RBFOX1: variants seen among roughly 807,000 people sequenced by gnomAD.
RBFOX1 encodes the protein RNA binding fox-1 homolog 1.
A neutral mutation model predicts 57.7 loss-of-function variants in RBFOX1; 8 were observed. That is an observed-to-expected ratio of 0.14 (90% CI 0.08 to 0.25). RBFOX1 has a LOEUF of 0.25. RBFOX1 is among the 10% of genes least tolerant of loss of function. The pLI is 1.00. For missense variants in RBFOX1, 611 were observed against 548.5 expected (o/e 1.11, Z -1.14); for synonymous variants, 326 against 222.4 (o/e 1.47, Z -4.15).
intron 3 of RBFOX1, among the ~76,000 whole-genome samples, chr16:6,852,665 G>T (rs2094133325): frequency 6.6e-6 from 1 of 151,928 alleles, no homozygotes; most frequent in African/African-American, 2.4e-5. Context: ...AGCTGTCCAG[G>T]TAAGGTGCTT....
intron 1 of RBFOX1, among the ~76,000 whole-genome samples, chr16:6,206,969 A>G (rs1446610102): frequency 6.8e-6 from 1 of 146,686 alleles, no homozygotes; most frequent in Non-Finnish European, 1.5e-5. Context: ...GTGAACTGGA[A>G]TGTGATCAGA....
At chr16:5,935,535 T>C (rs1228888285) in intron 4 of RBFOX1, among the ~76,000 whole-genome samples, 4 of 152,118 alleles carry the variant, frequency 2.6e-5, no homozygotes, top group African/African-American at 9.7e-5. Context: ...GACAGTGGCC[T>C]GGAGTGTGAG....
chr16:5,307,085 A>T (rs1040011418), intron 1 of RBFOX1, among the ~76,000 whole-genome samples: 1 of 152,128 alleles, frequency 6.6e-6, no homozygotes, highest in African/African-American at 2.4e-5. Flanking sequence ...GGGGAGCAGG[A>T]AAACCAAGTA....
chr16:6,382,116 T>G (rs1055110950), intron 2 of RBFOX1, among the ~76,000 whole-genome samples: 2 of 152,214 alleles, frequency 1.3e-5, no homozygotes, highest in Non-Finnish European at 2.9e-5. Context: ...ATACTTTATT[T>G]ATGGATGCAG....
At chr16:6,444,438 T>C (rs530369089) in intron 2 of RBFOX1, among the ~76,000 whole-genome samples, 3 of 151,764 alleles carry the variant, frequency 2.0e-5, no homozygotes, top group Non-Finnish European at 4.4e-5. Flanking sequence ...ATCATGGGAG[T>C]GGGTCTTTCT....
At chr16:6,220,797 C>T (rs2097368219) in intron 1 of RBFOX1, among the ~76,000 whole-genome samples, 2 of 151,614 alleles carry the variant, frequency 1.3e-5, no homozygotes, top group South Asian at 4.2e-4. Flanking sequence ...TTTGTGGTGC[C>T]TTTCTTCCAC....
At chr16:5,832,553 T>A (rs753943011) in intron 3 of RBFOX1, among the ~76,000 whole-genome samples, 3 of 152,188 alleles carry the variant, frequency 2.0e-5, no homozygotes, top group Non-Finnish European at 4.4e-5. Context: ...GCATGTAGAA[T>A]ATAACACATG....
intron 1 of RBFOX1, among the ~76,000 whole-genome samples, chr16:5,323,970 A>C (rs1417089964): frequency 6.6e-6 from 1 of 152,210 alleles, no homozygotes; most frequent in African/African-American, 2.4e-5. Flanking sequence ...GTCATATTAC[A>C]CGTGTATAGT....
At chr16:6,678,072 C>G (rs969080531) in intron 3 of RBFOX1, among the ~76,000 whole-genome samples, 3 of 152,140 alleles carry the variant, frequency 2.0e-5, no homozygotes, top group Admixed American at 6.5e-5. Flanking sequence ...TCTATTCATC[C>G]TATATAGCCA....
At chr16:6,873,327 A>G (rs967745035) in intron 3 of RBFOX1, among the ~76,000 whole-genome samples, 1 of 152,102 alleles carries the variant, frequency 6.6e-6, no homozygotes, top group African/African-American at 2.4e-5. Flanking sequence ...TTGGAGGGGG[A>G]AAAAGAGTGC....
At chr16:5,374,786 A>G (rs1042157138) in intron 1 of RBFOX1, among the ~76,000 whole-genome samples, 10 of 151,862 alleles carry the variant, frequency 6.6e-5, no homozygotes, top group African/African-American at 2.4e-4. Flanking sequence ...TGAAAACGAT[A>G]TAATATTCAC....
In RBFOX1 at chr16:6,337,523, A is replaced by G. The variant is rs549567135; in HGVS notation, c.-64+20466A>G. ...AGTGGAAATAAATTAATGGGGGGAA[A>G]TGATTGATGTGGAAGTAAGTCTCTC... On this transcript the variant is annotated intron_variant, in intron 2 of 15. Transcript: ENST00000550418. Among the ~76,000 whole-genome samples, 6 of 152,348 alleles carry G rather than the reference A, an allele frequency of 3.9e-5. No individual in the cohort carries two copies. In the East Asian group the frequency reaches 9.6e-4, roughly 24 times the overall value.
At chr16:7,287,217 G>A (rs1224847089) in intron 4 of RBFOX1, among the ~76,000 whole-genome samples, 2 of 152,148 alleles carry the variant, frequency 1.3e-5, no homozygotes, top group Admixed American at 1.3e-4. Context: ...CTTGATCTAT[G>A]TACAAAGAGC....
In RBFOX1 at chr16:5,984,963, TA is replaced by T. The variant is rs1567221548; in HGVS notation, c.351+117629del. Among the ~76,000 whole-genome samples, 176 of 40,010 alleles carry T rather than the reference TA, an allele frequency of 4.4e-3. 1 individual carries two copies. The highest frequency in any genetic ancestry group is 0.016 in the Middle Eastern group (1 of 62). 26.2% of individuals were successfully genotyped at this position (40,010 alleles called of 152,430 possible). On this transcript the variant is annotated intron_variant, in intron 4 of 19. Coordinates refer to the RBFOX1 transcript ENST00000641259. ...CAACTCCATTATATATATATATATA[TA>T]TATATATATATATTTTTTTTTTTTT...
At chr16:7,256,969 A>G (rs1019034470) in intron 4 of RBFOX1, among the ~76,000 whole-genome samples, 2 of 151,988 alleles carry the variant, frequency 1.3e-5, no homozygotes, top group African/African-American at 2.4e-5. Context: ...GGCATGTGTC[A>G]TGGCTGGCAT....
At chr16:5,604,101 G>C (rs1160079613), downstream of RBFOX1, among the ~76,000 whole-genome samples, 1 of 152,152 alleles carries the variant, frequency 6.6e-6, no homozygotes, top group Non-Finnish European at 1.5e-5. Flanking sequence ...AGTAAGCATA[G>C]TGCAGTTAAG....
chr16:6,751,794 G>T (rs989485580), intron 3 of RBFOX1, among the ~76,000 whole-genome samples: 8 of 152,096 alleles, frequency 5.3e-5, no homozygotes. Flanking sequence ...TGTGATTATC[G>T]TAACCCACTT....
At chr16:5,702,361 T>A (rs1162884920) in intron 3 of RBFOX1, among the ~76,000 whole-genome samples, 1 of 152,180 alleles carries the variant, frequency 6.6e-6, no homozygotes, top group Non-Finnish European at 1.5e-5. Context: ...TATCATGAGA[T>A]AACAGCAAGG....
At chr16:7,142,110 A>G (rs986425558) in intron 4 of RBFOX1, among the ~76,000 whole-genome samples, 1 of 151,734 alleles carries the variant, frequency 6.6e-6, no homozygotes, top group African/African-American at 2.4e-5. Flanking sequence ...TGCAGCATCA[A>G]CCTCCCAGGC....
Sources: allele counts gnomAD v4.1 joint callset (sites outside exome capture counted in the v4.1 genomes callset), GRCh38; gene constraint gnomAD v4.1.1; transcripts MANE v1.5; gene names NCBI Gene and HGNC (gene_info 2026-07-23, HGNC 2026-07-21).